Variants in ACSS1 observed in about 807,000 individuals in gnomAD.
ACSS1 encodes the protein acyl-CoA synthetase short chain family member 1.
In ACSS1, 42 loss-of-function variants were observed where a neutral mutation model predicts 75.3. The observed-to-expected ratio is 0.56, with a 90% CI of 0.44 to 0.72. The LOEUF (loss-of-function observed/expected upper bound fraction) is 0.72, where lower values mean the gene tolerates loss of function less well. ACSS1 is among the 30% of genes least tolerant of loss of function. The pLI is 0.00. For missense variants in ACSS1, 782 were observed against 935.7 expected, an observed-to-expected ratio of 0.84 and a Z score of 2.14; for synonymous variants, 380 against 376.8, an observed-to-expected ratio of 1.01 and a Z score of -0.10.
chr20:25,018,034 C>A (rs2088550356), intron 7 of ACSS1, among the ~76,000 whole-genome samples: 1 of 152,256 alleles, frequency 6.6e-6, no homozygotes, highest in Non-Finnish European at 1.5e-5. Flanking sequence ...CCAGCTCCAG[C>A]ATGCCAAGAG....
At chr20:25,056,629 T>C (rs1395916012) in intron 1 of ACSS1, among the ~76,000 whole-genome samples, 1 of 152,178 alleles carries the variant, frequency 6.6e-6, no homozygotes, top group Non-Finnish European at 1.5e-5. Flanking sequence ...TGAGCATGAC[T>C]GCCCCCATCC....
intron 9 of ACSS1, 70 bp downstream of exon 9, chr20:25,013,891 G>A: frequency 4.7e-6 from 7 of 1,497,230 alleles, no homozygotes; most frequent in East Asian, 2.3e-5. Context: ...ACAGGAGAGA[G>A]CTGGGCTGGG....
At chr20:25,042,717 G>A (rs530403479) in intron 2 of ACSS1, among the ~76,000 whole-genome samples, 126 of 152,216 alleles carry the variant, frequency 8.3e-4, no homozygotes, top group African/African-American at 2.4e-3. Context: ...GCAAAGTCCC[G>A]CTGAGTACCG....
At chr20:25,053,125 G>C (rs889266496) in intron 1 of ACSS1, among the ~76,000 whole-genome samples, 2 of 145,572 alleles carry the variant, frequency 1.4e-5, no homozygotes, top group Non-Finnish European at 3.0e-5. Context: ...GTGCGCTGGC[G>C]TGATCTCAGC....
chr20:25,021,426 G>A lies in ACSS1; in HGVS notation c.1071C>T (p.Ser357=), dbSNP rs139913818. 61 of 1,614,072 alleles carry A rather than the reference G, an allele frequency of 3.8e-5. No individual in the cohort carries two copies. The highest frequency in any genetic ancestry group is 1.5e-4 in the South Asian group (14 of 91,082). ...AAACTGGGGTGCTCTCAAAAAGGACGCTGGTGGCACCATTGCAGAGAGGCC... is the reference window on the plus strand; with the variant it reads ...AAACTGGGGTGCTCTCAAAAAGGACACTGGTGGCACCATTGCAGAGAGGCC... The part of the protein sequence containing the change: ...VYGPLCNGAT[S]VLFESTPVYP... The change falls in exon 6 of 14, where the codon AGC becomes AGT. Residue 357 remains serine (S), a synonymous_variant. Transcript: ENST00000323482.
rs958062069 is a variant in ACSS1, at chr20:25,046,665, C to G, written c.431+1420G>C. On this transcript the variant is annotated intron_variant, in intron 2 of 13. Transcript: ENST00000323482. ...ACTCCAGGGGCAGCAGCCTCAAGTT[C>G]CTTCTCAGAAGGGGCTTTGTTCGCA... The G allele has an allele frequency of 2.7e-5, 17 of 633,432 alleles. No individual in the cohort carries two copies. In the African/African-American group the frequency reaches 3.1e-4, roughly 12 times the overall value. 39.2% of individuals were successfully genotyped at this position (633,432 alleles called of 1,614,324 possible).
intron 2 of ACSS1, chr20:25,032,848 G>T: frequency 3.3e-6 from 1 of 302,656 alleles, no homozygotes; most frequent in Non-Finnish European, 4.9e-6. Context: ...ATGAGAACCA[G>T]ATCGCAAGGC....
chr20:25,041,462 C>T (rs564594078), intron 2 of ACSS1, among the ~76,000 whole-genome samples: 236 of 152,280 alleles, frequency 1.5e-3, no homozygotes, highest in African/African-American at 5.6e-3. Context: ...GCTGAGAGCA[C>T]GCCCACAGAC....
chr20:25,037,887 G>A (rs1249795155), intron 2 of ACSS1, among the ~76,000 whole-genome samples: 4 of 152,234 alleles, frequency 2.6e-5, no homozygotes, highest in Non-Finnish European at 5.9e-5. Flanking sequence ...TCATTCAATG[G>A]TGGTAAGATT....
intron 2 of ACSS1, among the ~76,000 whole-genome samples, chr20:25,034,144 C>G (rs1026786276): frequency 2.0e-5 from 3 of 152,176 alleles, no homozygotes; most frequent in Admixed American, 6.5e-5. Flanking sequence ...GCGGTGCAGC[C>G]TCCTTGAGGT....
At chr20:25,046,398 G>A (rs755559778) in intron 2 of ACSS1, 3 of 201,528 alleles carry the variant, frequency 1.5e-5, no homozygotes, top group East Asian at 1.4e-4. Flanking sequence ...CTCCAGCCCC[G>A]CTCACAGACC....
At position 25,020,293 on chromosome 20, in the gene ACSS1, C is replaced by G. The variant is rs184434774; in HGVS notation, c.1109-146G>C. 1.8e-3 allele frequency: 2,020 copies of G among 1,128,354 alleles called. 26 individuals are homozygous for G. The African/African-American group carries it at 0.029, about 16-fold the overall frequency. 69.9% of individuals were successfully genotyped at this position (1,128,354 alleles called of 1,614,324 possible). On this transcript the variant is annotated intron_variant, in intron 6 of 13. Coordinates refer to ENST00000323482, the MANE Select transcript of ACSS1 (RefSeq NM_032501.4). ...AGGGATCCCCCCAACCCCCCACCCCCGCCAGTGAAAGATGGAAAGAAGCCC... is the reference window on the plus strand; with the variant it reads ...AGGGATCCCCCCAACCCCCCACCCCGGCCAGTGAAAGATGGAAAGAAGCCC...
chr20:25,023,709 A>G lies in ACSS1; in HGVS notation c.632-68T>C, dbSNP rs190621971. 1.1e-5 allele frequency: 15 copies of G among 1,427,752 alleles called. No homozygotes were observed. In the African/African-American group the frequency reaches 2.0e-4, roughly 19 times the overall value. 88.4% of individuals were successfully genotyped at this position (1,427,752 alleles called of 1,614,324 possible). A position where few individuals can be genotyped will look rare whatever the true frequency, so the allele number is the denominator to read the frequency against. ...ACTTTAACCCTCATAGCTCTGACTCACATAGGACATCCAGGCCTAGGAGTG... is the reference window on the plus strand; with the variant it reads ...ACTTTAACCCTCATAGCTCTGACTCGCATAGGACATCCAGGCCTAGGAGTG... On this transcript the variant is annotated intron_variant, in intron 3 of 13. Coordinates refer to ENST00000323482, the MANE Select transcript of ACSS1 (RefSeq NM_032501.4).
At chr20:25,029,132 C>A (rs756092480) in intron 3 of ACSS1, among the ~76,000 whole-genome samples, 1 of 152,052 alleles carries the variant, frequency 6.6e-6, no homozygotes, top group Non-Finnish European at 1.5e-5. Flanking sequence ...AATCATATAT[C>A]TGATAGAGGT....
chr20:25,026,709 C>A (rs2088725768), intron 3 of ACSS1, among the ~76,000 whole-genome samples: 1 of 152,162 alleles, frequency 6.6e-6, no homozygotes, highest in Non-Finnish European at 1.5e-5. Flanking sequence ...CAATAGAAAA[C>A]CAAAACAGCC....
intron 2 of ACSS1, chr20:25,031,167 A>T: frequency 1.5e-6 from 1 of 668,096 alleles, no homozygotes; most frequent in Non-Finnish European, 2.7e-6. Flanking sequence ...GCAGAGATTC[A>T]CTGCCACATT....
At chr20:25,055,952 A>G (rs979118501) in intron 1 of ACSS1, among the ~76,000 whole-genome samples, 2 of 152,264 alleles carry the variant, frequency 1.3e-5, no homozygotes, top group Admixed American at 1.3e-4. Flanking sequence ...ACCCATGAAC[A>G]GGAGGGCACG....
chr20:25,042,035 C>T (rs542771992), intron 2 of ACSS1, among the ~76,000 whole-genome samples: 2 of 151,984 alleles, frequency 1.3e-5, no homozygotes, highest in South Asian at 2.1e-4. Context: ...ACAACCCACC[C>T]GCTGGCCTAG....
At chr20:25,049,604 C>A (rs1056194214) in intron 1 of ACSS1, among the ~76,000 whole-genome samples, 16 of 152,186 alleles carry the variant, frequency 1.1e-4, no homozygotes, top group Non-Finnish European at 2.1e-4. Flanking sequence ...CCAAACAGGG[C>A]ACTGGAGCTG....
Sources: gnomAD v4.1 joint callset for allele counts (sites outside exome capture counted in the v4.1 genomes callset) on GRCh38, gnomAD v4.1.1 for gene constraint, MANE v1.5 for transcripts, NCBI Gene and HGNC (gene_info 2026-07-23, HGNC 2026-07-21) for gene names.